WNT7B: variants seen among roughly 807,000 people sequenced by gnomAD.
The protein encoded by WNT7B is Wnt family member 7B, also known as protein Wnt-7b.
Under a neutral mutation model 38.2 loss-of-function variants are expected in WNT7B, and 19 were observed. That is an observed-to-expected ratio of 0.50 (90% CI 0.35 to 0.73). The LOEUF (loss-of-function observed/expected upper bound fraction) is 0.73, where lower values mean the gene tolerates loss of function less well. WNT7B is among the 30% of genes least tolerant of loss of function. The pLI is 0.01. For synonymous variants in WNT7B, 243 were observed against 209.3 expected, an observed-to-expected ratio of 1.16 and a Z score of -1.39; for missense variants, 423 against 507.9, an observed-to-expected ratio of 0.83 and a Z score of 1.61.
chr22:45,926,229 G>A (rs1352286959), intron 3 of WNT7B: 14 of 985,270 alleles, frequency 1.4e-5, no homozygotes, highest in South Asian at 1.4e-4. Flanking sequence ...CTGGGCATTC[G>A]AGCAACAGCA....
chr22:45,959,868 G>A (rs1932156434), intron 1 of WNT7B, among the ~76,000 whole-genome samples: 1 of 152,164 alleles, frequency 6.6e-6, no homozygotes, highest in African/African-American at 2.4e-5. Context: ...CACGAGATCT[G>A]ACTTCTTCCT....
chr22:45,922,919 G>C lies in WNT7B; in HGVS notation c.987C>G (p.His329Gln). Residue 329 changes from histidine (H) to glutamine (Q), a missense_variant, in exon 4 of 4, where the codon CAC (histidine) becomes CAG (glutamine). Transcript: ENST00000339464. ...TGTTGCACTTGACGAAGCAGCACCA[G>C]TGGAATTTGCAGTTGCACTGCCACA... Reference protein sequence around the residue: ...TKVWQCNCKFHWCCFVKCNTC... With the variant: ...TKVWQCNCKFQWCCFVKCNTC... 1 of 1,612,776 alleles carries C rather than the reference G, an allele frequency of 6.2e-7. No individual in the cohort carries two copies. Among genetic ancestry groups the C allele is most frequent in the Non-Finnish European group, 8.5e-7 (1 of 1,179,330 alleles).
chr22:45,969,209 C>CA lies in WNT7B; in HGVS notation c.71+7474dup, dbSNP rs142074310. Reference sequence around the variant, plus strand: ...GGCGGGGCCGTGGTAAGTGCCCCCCCACCCTGCCACAGCCAGGTGGTCGGT... The same window carrying CA: ...GGCGGGGCCGTGGTAAGTGCCCCCCCAACCCTGCCACAGCCAGGTGGTCGGT... On this transcript the variant is annotated intron_variant, in intron 1 of 3. Coordinates refer to ENST00000339464, the MANE Select transcript of WNT7B (RefSeq NM_058238.3). 3.3e-5 allele frequency among the ~76,000 whole-genome samples: 5 copies of CA among 152,362 alleles called. No homozygotes were observed. In the East Asian group the frequency reaches 9.6e-4, roughly 29 times the overall value.
chr22:45,943,934 C>A (rs1443651712), intron 2 of WNT7B, among the ~76,000 whole-genome samples: 5 of 152,198 alleles, frequency 3.3e-5, no homozygotes, highest in Non-Finnish European at 5.9e-5. Context: ...CCTCAGTGGC[C>A]CAGGGCTCTG....
chr22:45,944,836 C>G (rs887321124), intron 2 of WNT7B, among the ~76,000 whole-genome samples: 2 of 152,198 alleles, frequency 1.3e-5, no homozygotes, highest in Non-Finnish European at 2.9e-5. Flanking sequence ...GACTGTCCTC[C>G]GAAAACGGCT....
chr22:45,965,944 G>T lies in WNT7B; in HGVS notation c.71+10740C>A, dbSNP rs1048599226. ...CCTTAGTAAAACACCGTGACAAGTG[G>T]CATGGACCCGACAGCCAGGAGTCCC... On this transcript the variant is annotated intron_variant, in intron 1 of 3. Transcript: ENST00000339464. This position sits in a 1 kb window ranked among gnomAD's most constrained non-coding sequence, Gnocchi z 6.5. 5.9e-5 allele frequency among the ~76,000 whole-genome samples: 9 copies of T among 152,184 alleles called. No homozygotes were observed. Among genetic ancestry groups the T allele is most frequent in the African/African-American group, 2.2e-4 (9 of 41,438 alleles).
intron 2 of WNT7B, among the ~76,000 whole-genome samples, chr22:45,935,471 G>A (rs1412731347): frequency 6.6e-6 from 1 of 152,162 alleles, no homozygotes; most frequent in African/African-American, 2.4e-5. Context: ...GGGGACAGCA[G>A]CCCCCTCCCT....
intron 2 of WNT7B, among the ~76,000 whole-genome samples, chr22:45,943,062 AGT>A (rs1569117021): frequency 7.1e-4 from 104 of 147,050 alleles, no homozygotes; most frequent in African/African-American, 2.7e-3. Context: ...ATGTGTGTGC[AGT>A]GTGCACATGT....
At chr22:45,947,979 G>A (rs576558054) in intron 2 of WNT7B, among the ~76,000 whole-genome samples, 20 of 152,208 alleles carry the variant, frequency 1.3e-4, no homozygotes, top group African/African-American at 4.1e-4. Flanking sequence ...TGGCCCACAC[G>A]TCCCTCACCC....
intron 1 of WNT7B, among the ~76,000 whole-genome samples, chr22:45,955,212 C>T (rs1046189672): frequency 2.6e-5 from 4 of 152,232 alleles, no homozygotes; most frequent in South Asian, 2.1e-4. Context: ...CTGCCCTCCC[C>T]GAGCCGGCCT....
At chr22:45,948,499 G>A (rs985680803) in intron 2 of WNT7B, among the ~76,000 whole-genome samples, 10 of 152,234 alleles carry the variant, frequency 6.6e-5, no homozygotes, top group Admixed American at 5.2e-4. Context: ...CCTGTGTCCC[G>A]GCAGCTGCGG....
At chr22:45,960,585 G>A (rs1055994208) in intron 1 of WNT7B, among the ~76,000 whole-genome samples, 2 of 152,244 alleles carry the variant, frequency 1.3e-5, no homozygotes, top group Non-Finnish European at 2.9e-5. Context: ...GGCCCTGGCT[G>A]CCGGGCGGCC....
intron 1 of WNT7B, 60 bp from the exon 2 acceptor site, chr22:45,950,206 C>T: frequency 7.0e-7 from 1 of 1,429,628 alleles, no homozygotes; most frequent in African/African-American, 1.4e-5. Flanking sequence ...CTCCTCACCC[C>T]CAACACCTTT....
intron 1 of WNT7B, among the ~76,000 whole-genome samples, chr22:45,958,877 G>A (rs1471075168): frequency 6.6e-6 from 1 of 152,198 alleles, no homozygotes; most frequent in Admixed American, 6.5e-5. Flanking sequence ...GGGCCAGGCT[G>A]TGTGGGGTGG....
intron 2 of WNT7B, chr22:45,935,907 T>C: frequency 1.0e-6 from 1 of 985,004 alleles, no homozygotes; most frequent in Non-Finnish European, 1.2e-6. Context: ...GGATGCTCTG[T>C]TTGGGGCCGG....
chr22:45,953,321 C>T (rs983813637), intron 1 of WNT7B, among the ~76,000 whole-genome samples: 10 of 151,194 alleles, frequency 6.6e-5, no homozygotes, highest in Non-Finnish European at 1.2e-4. Context: ...TGCCCCGCTT[C>T]CCCTCACAGT....
chr22:45,941,336 C>A (rs1049078901), intron 2 of WNT7B, among the ~76,000 whole-genome samples: 1 of 152,082 alleles, frequency 6.6e-6, no homozygotes, highest in Non-Finnish European at 1.5e-5. Context: ...ATGGCGAAAC[C>A]CCGTCTGTAC....
At chr22:45,968,080 G>A (rs925246453) in intron 1 of WNT7B, among the ~76,000 whole-genome samples, 3 of 152,160 alleles carry the variant, frequency 2.0e-5, no homozygotes, top group African/African-American at 7.2e-5. Flanking sequence ...AAGATGTTCT[G>A]AGCCTCCCTG....
intron 1 of WNT7B, among the ~76,000 whole-genome samples, chr22:45,964,059 C>T (rs1569124385): frequency 6.6e-6 from 1 of 152,092 alleles, no homozygotes; most frequent in Admixed American, 6.5e-5. Flanking sequence ...GCCCAGTGCC[C>T]CTCCCCAGGT....
Sources: gnomAD v4.1 joint callset for allele counts (sites outside exome capture counted in the v4.1 genomes callset) on GRCh38, gnomAD v4.1.1 for gene constraint, Gnocchi (gnomAD v3.1) non-coding constraint, MANE v1.5 for transcripts, NCBI Gene and HGNC (gene_info 2026-07-23, HGNC 2026-07-21) for gene names.